OR2V1: variants seen among roughly 807,000 people sequenced by gnomAD.
OR2V1 encodes the protein olfactory receptor family 2 subfamily V member 1, also known as olfactory receptor 2V1.
A neutral mutation model predicts 15.0 loss-of-function variants in OR2V1; 18 were observed. The ratio of observed to expected loss-of-function variants is 1.20; its 90% CI spans 0.83 to 1.78. The LOEUF (loss-of-function observed/expected upper bound fraction) is 1.78, where lower values mean the gene tolerates loss of function less well. OR2V1 is among the 40% of genes most tolerant of loss of function. OR2V1 has a pLI of 0.00. For missense variants in OR2V1, 359 were observed against 392.9 expected, an observed-to-expected ratio of 0.91 and a Z score of 0.73; for synonymous variants, 144 against 146.1, an observed-to-expected ratio of 0.99 and a Z score of 0.10.
intron 3 of OR2V1, 118 bp downstream of exon 3, chr5:181,129,402 T>C (rs1158836618): frequency 6.6e-6 from 1 of 151,940 alleles, no homozygotes; most frequent in Non-Finnish European, 1.5e-5. Context: ...ATTGTGTGAT[T>C]TGGAGGGGGT....
intron 3 of OR2V1, among the ~76,000 whole-genome samples, chr5:181,128,199 CA>C (rs1180095160): frequency 1.3e-5 from 2 of 151,666 alleles, no homozygotes; most frequent in African/African-American, 4.8e-5. Context: ...TCCTCACACA[CA>C]CACACACACA....
Position 181,124,409 on chromosome 5 carries a change from A to G in OR2V1, c.896T>C (p.Met299Thr). ...GTCCAGCCCCTTCCTCAGTGCCCCC[A>G]TCACCTCCCCATTCCTCAAGCTGTA... ...LIYSLRNGEV[M>T]GALRKGLDRC... is the part of the protein sequence containing the mutation. Residue 299 changes from methionine (M) to threonine (T), a missense_variant, in exon 4 of 4, where the codon ATG becomes ACG. By Grantham distance (81) the Met-to-Thr change is moderately conservative. Coordinates refer to ENST00000641551, the MANE Select transcript of OR2V1 (RefSeq NM_001258283.2). 2 of 1,611,262 alleles carry G rather than the reference A, an allele frequency of 1.2e-6. No individual in the cohort carries two copies. The highest frequency in any genetic ancestry group is 3.3e-4 in the Middle Eastern group (2 of 5,992).
intron 3 of OR2V1, among the ~76,000 whole-genome samples, chr5:181,125,860 CTG>C (rs1223875767): frequency 6.6e-6 from 1 of 152,174 alleles, no homozygotes; most frequent in Non-Finnish European, 1.5e-5. Flanking sequence ...TGGCGCATGA[CTG>C]TAATCCCAGC....
chr5:181,128,192 T>TCACACACACA (rs34343246), intron 3 of OR2V1, among the ~76,000 whole-genome samples: 1 of 41,332 alleles, frequency 2.4e-5, no homozygotes, highest in African/African-American at 5.0e-5. Flanking sequence ...TGTCCTCTCC[T>TCACACACACA]CACACACACA....
chr5:181,124,993 A>G lies in OR2V1; in HGVS notation c.312T>C (p.Phe104=), dbSNP rs756222964. 14 of 1,614,010 alleles carry G rather than the reference A, an allele frequency of 8.7e-6. No homozygotes were observed. The highest frequency in any genetic ancestry group is 4.4e-5 in the South Asian group (4 of 91,084). ...SFVGCGIQIG[F]FVSLVGSEGL... ...CCTCAGATCCCACAAGAGAGACAAA[A>G]AAGCCAATTTGTATGCCACAGCCCA... The change falls in exon 4 of 4, where the codon TTT becomes TTC. Residue 104 remains phenylalanine, a synonymous_variant. Transcript: ENST00000641551.
chr5:181,129,938 AAG>A (rs1762939244), intron 2 of OR2V1, among the ~76,000 whole-genome samples: 3 of 152,178 alleles, frequency 2.0e-5, no homozygotes, highest in African/African-American at 7.2e-5. Flanking sequence ...ACACCAAGGA[AAG>A]AGAGAGAGGT....
intron 1 of OR2V1, among the ~76,000 whole-genome samples, chr5:181,130,827 C>CCA (rs1762951613): frequency 1.3e-5 from 2 of 151,806 alleles, no homozygotes; most frequent in South Asian, 4.2e-4. Flanking sequence ...CATTGCCCCC[C>CCA]CACACACACA....
At position 181,124,938 on chromosome 5, in the gene OR2V1, G is replaced by A. The variant is rs762779171; in HGVS notation, c.367C>T (p.Arg123Cys). The A allele has an allele frequency of 3.5e-5, 56 of 1,613,992 alleles. No homozygotes were observed. The highest frequency in any genetic ancestry group is 8.3e-5 in the Admixed American group (5 of 60,000). The change falls in exon 4 of 4, where the codon CGC becomes TGC. Residue 123 changes from arginine to cysteine, a missense_variant. By Grantham distance (180) the Arg-to-Cys change is radical. Transcript: ENST00000641551. ...GLLLGLMAYD[R>C]YVAVSHPLHY... ...AGTGGGTGGCTAACGGCCACGTAGCGGTCATAAGCCATGAGTCCCAGCAAG... is the reference window on the plus strand; with the variant it reads ...AGTGGGTGGCTAACGGCCACGTAGCAGTCATAAGCCATGAGTCCCAGCAAG...
chr5:181,128,884 C>T (rs1388767959), intron 3 of OR2V1, among the ~76,000 whole-genome samples: 4 of 152,212 alleles, frequency 2.6e-5, no homozygotes, highest in Admixed American at 6.5e-5. Flanking sequence ...GCTCCCGGAA[C>T]AGGGTCTGGC....
At chr5:181,127,085 G>A (rs993311222) in intron 3 of OR2V1, among the ~76,000 whole-genome samples, 4 of 152,182 alleles carry the variant, frequency 2.6e-5, no homozygotes, top group South Asian at 4.1e-4. Context: ...TCCTGCTGCC[G>A]TTTCTCCACG....
chr5:181,128,196 ACAC>A (rs1435332308), intron 3 of OR2V1, among the ~76,000 whole-genome samples: 4 of 22,878 alleles, frequency 1.7e-4, no homozygotes, highest in Non-Finnish European at 9.0e-5. Context: ...CTCTCCTCAC[ACAC>A]ACACACACAC....
intron 3 of OR2V1, among the ~76,000 whole-genome samples, chr5:181,125,756 C>T (rs753079635): frequency 2.0e-5 from 3 of 152,188 alleles, no homozygotes; most frequent in Non-Finnish European, 2.9e-5. Context: ...GATGCTGAGG[C>T]GGGTGGATCA....
Position 181,125,172 on chromosome 5 carries a change from G to A in OR2V1, c.133C>T (p.Leu45Phe). The A allele has an allele frequency of 6.2e-7, 1 of 1,614,058 alleles. No homozygotes were observed. The highest frequency in any genetic ancestry group is 8.5e-7 in the Non-Finnish European group (1 of 1,180,042). ...VFTVALCGNV[L>F]LIFLIYLDAG... Reference sequence around the variant, plus strand: ...TCCAGGTAGATGAGGAAGATGAGGAGGACATTCCCACAGAGGGCCACTGTG... The same window carrying A: ...TCCAGGTAGATGAGGAAGATGAGGAAGACATTCCCACAGAGGGCCACTGTG... The change falls in exon 4 of 4, where the codon CTC (leucine) becomes TTC (phenylalanine). Residue 45 changes from leucine to phenylalanine, a missense_variant. Transcript: ENST00000641551.
intron 3 of OR2V1, among the ~76,000 whole-genome samples, chr5:181,125,921 G>T (rs1457477009): frequency 6.6e-6 from 1 of 152,146 alleles, no homozygotes; most frequent in Non-Finnish European, 1.5e-5. Flanking sequence ...GGAGGTGGAG[G>T]TTGCAGTGAG....
In OR2V1 at chr5:181,124,342, A is replaced by G. The variant is rs755913347; in HGVS notation, c.*15T>C. 6.5e-6 allele frequency: 10 copies of G among 1,537,574 alleles called. No homozygotes were observed. The highest frequency in any genetic ancestry group is 8.8e-6 in the Non-Finnish European group (10 of 1,142,724). On this transcript the variant is annotated 3_prime_UTR_variant, in exon 4 of 4. Transcript: ENST00000641551. ...ACAGGCAAGAAGGGGCACAGCAGGC[A>G]CCAGACTCTGGGGTTCAGTGCTGGC...
rs747503639 is a variant in OR2V1, at chr5:181,125,297, C to A, written c.8G>T (p.Arg3Ile). 1.9e-6 allele frequency: 3 copies of A among 1,610,488 alleles called. No individual in the cohort carries two copies. Among genetic ancestry groups the A allele is most frequent in the Non-Finnish European group, 1.7e-6 (2 of 1,177,978 alleles). ...ATCTGTGTAGGACTGGTTCACCCATCTTCCCATGGCTTAGTTGTTCACTGT... is the reference window on the plus strand; with the variant it reads ...ATCTGTGTAGGACTGGTTCACCCATATTCCCATGGCTTAGTTGTTCACTGT... Reference protein sequence around the residue: MGRWVNQSYTDGF... With the variant: MGIWVNQSYTDGF... Residue 3 changes from arginine to isoleucine, a missense_variant, in exon 4 of 4, where the codon AGA becomes ATA. Arg to Ile is a moderately conservative substitution (Grantham distance 97). Coordinates refer to ENST00000641551, the MANE Select transcript of OR2V1 (RefSeq NM_001258283.2).
chr5:181,125,325 C>G lies in OR2V1; in HGVS notation c.-21G>C, dbSNP rs1203848070. 6.3e-7 allele frequency: 1 copy of G among 1,592,988 alleles called. No individual in the cohort carries two copies. The highest frequency in any genetic ancestry group is 1.1e-5 in the South Asian group (1 of 90,304). Reference sequence around the variant, plus strand: ...CCCATGGCTTAGTTGTTCACTGTCACCTGAGAACATAAGAGAAATTATAAG... The same window carrying G: ...CCCATGGCTTAGTTGTTCACTGTCAGCTGAGAACATAAGAGAAATTATAAG... On this transcript the variant is annotated splice_region_variant and 5_prime_UTR_variant, in exon 4 of 4. Transcript: ENST00000641551.
chr5:181,124,449 G>A lies in OR2V1; in HGVS notation c.856C>T (p.Leu286=), dbSNP rs778536247. ...CTCAAGCTGTAAATGAGGGGGTTCAGCATGGGAGTAAGGACTGTGTAGAAG... is the reference window on the plus strand; with the variant it reads ...CTCAAGCTGTAAATGAGGGGGTTCAACATGGGAGTAAGGACTGTGTAGAAG... The part of the protein sequence containing the change: ...SIFYTVLTPM[L]NPLIYSLRNG... Residue 286 remains leucine, a synonymous_variant, in exon 4 of 4, where the codon CTG becomes TTG. Coordinates refer to ENST00000641551, the MANE Select transcript of OR2V1 (RefSeq NM_001258283.2). The A allele has an allele frequency of 1.2e-6, 2 of 1,613,950 alleles. No homozygotes were observed.
At position 181,124,817 on chromosome 5, in the gene OR2V1, G is replaced by A; in HGVS notation, c.488C>T (p.Ala163Val). The A allele has an allele frequency of 1.3e-6, 2 of 1,593,924 alleles. No homozygotes were observed. Among genetic ancestry groups the A allele is most frequent in the Non-Finnish European group, 8.5e-7 (1 of 1,170,296 alleles). The change falls in exon 4 of 4, where the codon GCA becomes GTA. Residue 163 changes from alanine (A) to valine (V), a missense_variant. Ala to Val is a moderately conservative substitution (Grantham distance 64). Coordinates refer to ENST00000641551, the MANE Select transcript of OR2V1 (RefSeq NM_001258283.2). ...GIIDGVIQMV[A>V]AMGLPYCGSR... ...GCCACAGTAAGGTAAGCCCATGGCT[G>A]CCACCATCTGAATCACTCCATCTAT...
Sources: gnomAD v4.1 joint callset for allele counts (sites outside exome capture counted in the v4.1 genomes callset) on GRCh38, gnomAD v4.1.1 for gene constraint, MANE v1.5 for transcripts, NCBI Gene and HGNC (gene_info 2026-07-23, HGNC 2026-07-21) for gene names.